The following APBA2 variants were observed in gnomAD, a reference collection of about 807,000 sequenced individuals.
The protein encoded by APBA2 is amyloid-beta A4 precursor protein-binding family A member 2.
APBA2 carries 30 observed loss-of-function variants against 75.0 expected under a neutral mutation model. The observed-to-expected ratio is 0.40, with a 90% CI of 0.30 to 0.54. APBA2 has a LOEUF of 0.54. Ranked by LOEUF, APBA2 falls within the 20% of genes least tolerant of loss-of-function variation. The probability of loss-of-function intolerance (pLI) is 0.49; values close to 1 mark genes in which losing one functional copy is unlikely to be tolerated. For missense variants in APBA2, 801 were observed against 1,016.1 expected, an observed-to-expected ratio of 0.79 and a Z score of 2.88; for synonymous variants, 444 against 409.6, an observed-to-expected ratio of 1.08 and a Z score of -1.01.
At chr15:28,886,620 C>T (rs954455110) in intron 1 of APBA2, among the ~76,000 whole-genome samples, 109 of 152,056 alleles carry the variant, frequency 7.2e-4, no homozygotes, top group Non-Finnish European at 1.2e-3. Flanking sequence ...CGGGGCTGTC[C>T]GCTCGACTCC....
intron 3 of APBA2, among the ~76,000 whole-genome samples, chr15:29,037,230 A>G (rs2040797203): frequency 6.6e-6 from 1 of 152,098 alleles, no homozygotes; most frequent in African/African-American, 2.4e-5. Context: ...TAAGCATTTG[A>G]ATTTCATGTT....
chr15:29,084,687 A>AT (rs2043213245), intron 6 of APBA2, among the ~76,000 whole-genome samples: 1 of 152,244 alleles, frequency 6.6e-6, no homozygotes, highest in Non-Finnish European at 1.5e-5. Context: ...AAACCCGTCT[A>AT]TTGAGATTGG....
Position 29,093,205 on chromosome 15 carries a change from C to T in APBA2, c.1200C>T (p.Ala400=), listed in dbSNP as rs146071426. 6.1e-5 allele frequency: 99 copies of T among 1,614,098 alleles called. No individual in the cohort carries two copies. The highest frequency in any genetic ancestry group is 8.8e-5 in the South Asian group (8 of 91,092). ...KNIRMMQAQE[A]VSRVKRMQKA... ...TCAGAATGATGCAAGCGCAGGAGGC[C>T]GTCAGCCGGGTCAAGGTAGAGGTGC... is the stretch of plus-strand genomic sequence containing the variant. Residue 400 remains alanine (A), a synonymous_variant, in exon 7 of 15, where the codon GCC becomes GCT. Transcript: ENST00000683413.
At chr15:29,069,025 C>T (rs1595886135) in intron 4 of APBA2, among the ~76,000 whole-genome samples, 1 of 152,292 alleles carries the variant, frequency 6.6e-6, no homozygotes, top group East Asian at 1.9e-4. Flanking sequence ...ATTCTTCCCT[C>T]CGCCCCCAGC....
chr15:29,063,168 C>A (rs56051679), intron 4 of APBA2, among the ~76,000 whole-genome samples: 10 of 53,716 alleles, frequency 1.9e-4, no homozygotes, highest in East Asian at 5.4e-4. Flanking sequence ...ATGGGTGGTG[C>A]GGGGAGTTGA....
intron 2 of APBA2, among the ~76,000 whole-genome samples, chr15:28,976,392 C>A (rs1374900167): frequency 2.0e-5 from 3 of 152,198 alleles, no homozygotes; most frequent in African/African-American, 7.2e-5. Flanking sequence ...AGTTATACTG[C>A]AAATTCTTGT....
chr15:28,992,565 G>C (rs777432854), intron 2 of APBA2, among the ~76,000 whole-genome samples: 12 of 152,146 alleles, frequency 7.9e-5, no homozygotes, highest in African/African-American at 2.9e-4. Flanking sequence ...AGCAAACCTC[G>C]TGCGTGGTGT....
chr15:28,926,520 T>C (rs974493593), intron 2 of APBA2, among the ~76,000 whole-genome samples: 1 of 152,160 alleles, frequency 6.6e-6, no homozygotes, highest in Admixed American at 6.5e-5. Flanking sequence ...ATACAGTATA[T>C]CGTTACCATT....
chr15:29,091,162 C>T (rs1213992593), intron 6 of APBA2, among the ~76,000 whole-genome samples: 1 of 152,172 alleles, frequency 6.6e-6, no homozygotes, highest in Non-Finnish European at 1.5e-5. Context: ...GTGCCTGCAG[C>T]CCTGCCCAGC....
At chr15:28,919,986 C>A (rs1309094540) in intron 1 of APBA2, among the ~76,000 whole-genome samples, 1 of 152,188 alleles carries the variant, frequency 6.6e-6, no homozygotes, top group East Asian at 1.9e-4. Context: ...AGCAGAGGCC[C>A]CTCCTCGGCC....
At chr15:29,095,157 G>A (rs1159357711) in intron 8 of APBA2, among the ~76,000 whole-genome samples, 6 of 152,232 alleles carry the variant, frequency 3.9e-5, no homozygotes, top group Admixed American at 2.0e-4. Flanking sequence ...GCCGGGCGCC[G>A]TGGCTCACGC....
At chr15:28,919,180 A>C (rs1291059536) in intron 1 of APBA2, among the ~76,000 whole-genome samples, 1 of 152,058 alleles carries the variant, frequency 6.6e-6, no homozygotes, top group African/African-American at 2.4e-5. Context: ...ATTATCTGAG[A>C]GTTGCTGGAG....
chr15:28,889,979 G>C (rs1026544671), intron 1 of APBA2, among the ~76,000 whole-genome samples: 1 of 152,232 alleles, frequency 6.6e-6, no homozygotes, highest in Non-Finnish European at 1.5e-5. Flanking sequence ...TGGATCCCCA[G>C]TAGCTAGAAA....
intron 4 of APBA2, among the ~76,000 whole-genome samples, chr15:29,060,177 T>G (rs1396058115): frequency 6.6e-6 from 1 of 152,104 alleles, no homozygotes; most frequent in Non-Finnish European, 1.5e-5. Flanking sequence ...CCTTTCTTAT[T>G]TTGTGGTTTG....
intron 8 of APBA2, among the ~76,000 whole-genome samples, chr15:29,097,516 C>T (rs138437603): frequency 1.0e-3 from 159 of 152,322 alleles, no homozygotes; most frequent in African/African-American, 3.6e-3. Context: ...AATTGCCGAG[C>T]CTTCCTTCGA....
Position 29,077,479 on chromosome 15 carries a change from TC to T in APBA2, c.1069+1392del, listed in dbSNP as rs1324161795. ...CTAGGAGGTGATTTAGACATTAAAT[TC>T]CCCGACCCTTGAACCAATCTCATAT... On this transcript the variant is annotated intron_variant, in intron 6 of 14. Transcript: ENST00000683413. 3.3e-5 allele frequency among the ~76,000 whole-genome samples: 5 copies of T among 152,286 alleles called. No individual in the cohort carries two copies. The South Asian group carries it at 8.3e-4, about 25-fold the overall frequency.
At chr15:28,958,816 C>CTCTT (rs2036311108) in intron 2 of APBA2, among the ~76,000 whole-genome samples, 1 of 148,160 alleles carries the variant, frequency 6.7e-6, no homozygotes. Context: ...TTATTCCCAA[C>CTCTT]TTTTTTTTTT....
At chr15:29,023,420 G>GATGGCC (rs1373333606) in intron 3 of APBA2, among the ~76,000 whole-genome samples, 1 of 132,208 alleles carries the variant, frequency 7.6e-6, no homozygotes, top group Non-Finnish European at 1.7e-5. Flanking sequence ...TGTCGAATTT[G>GATGGCC]ATGGCCATTA....
At chr15:29,091,287 T>C (rs1248650899) in intron 6 of APBA2, among the ~76,000 whole-genome samples, 3 of 152,070 alleles carry the variant, frequency 2.0e-5, no homozygotes, top group Admixed American at 2.0e-4. Flanking sequence ...TGGGGGTCCC[T>C]GTGGGGAGAG....
Sources: gnomAD v4.1 joint callset for allele counts (sites outside exome capture counted in the v4.1 genomes callset) on GRCh38, gnomAD v4.1.1 for gene constraint, MANE v1.5 for transcripts, NCBI Gene and HGNC (gene_info 2026-07-23, HGNC 2026-07-21) for gene names.